Variants in IQCB1 observed in about 807,000 individuals in gnomAD.
IQCB1 encodes the protein IQ calmodulin-binding motif-containing protein 1.
Under a neutral mutation model 84.4 loss-of-function variants are expected in IQCB1, and 56 were observed. The ratio of observed to expected loss-of-function variants is 0.66; its 90% CI spans 0.54 to 0.83. The LOEUF is 0.83. Ranked by LOEUF, IQCB1 falls within the 40% of genes least tolerant of loss-of-function variation. The probability of loss-of-function intolerance (pLI) is 0.00; values close to 1 mark genes in which losing one functional copy is unlikely to be tolerated. For missense variants in IQCB1, 629 were observed against 682.1 expected (o/e 0.92, Z 0.87); for synonymous variants, 210 against 234.8 (o/e 0.89, Z 0.96).
chr3:121,815,388 A>G (rs2108611699), intron 5 of IQCB1, among the ~76,000 whole-genome samples: 1 of 152,334 alleles, frequency 6.6e-6, no homozygotes, highest in East Asian at 1.9e-4. Flanking sequence ...CCTATTCAAC[A>G]TAGTATTGGA....
At chr3:121,834,694 G>C (rs1198237086) in intron 1 of IQCB1, among the ~76,000 whole-genome samples, 1 of 152,164 alleles carries the variant, frequency 6.6e-6, no homozygotes, top group Non-Finnish European at 1.5e-5. Context: ...CCGAGATTCT[G>C]GGGCCTCTGG....
At position 121,780,063 on chromosome 3, in the gene IQCB1, G is replaced by A. The variant is rs115405808; in HGVS notation, c.1410+1680C>T. Reference sequence around the variant, plus strand: ...GATTAGTATTCTGGAGAATACTCAAGGGGTAGATTCTGTAGATATCTGGGG... The same window carrying A: ...GATTAGTATTCTGGAGAATACTCAAAGGGTAGATTCTGTAGATATCTGGGG... On this transcript the variant is annotated intron_variant, in intron 13 of 14. Transcript: ENST00000310864. Among the ~76,000 whole-genome samples, 876 of 152,290 alleles carry A rather than the reference G, an allele frequency of 5.8e-3. 10 individuals carry two copies. Among genetic ancestry groups the A allele is most frequent in the Non-Finnish European group, 8.7e-3 (595 of 68,024 alleles).
chr3:121,785,034 CTTCT>C (rs1948651831), intron 12 of IQCB1, among the ~76,000 whole-genome samples: 2 of 152,104 alleles, frequency 1.3e-5, no homozygotes, highest in Admixed American at 1.3e-4. Flanking sequence ...TTGAGACTCT[CTTCT>C]TTCTTTCTAT....
chr3:121,819,661 G>A (rs973360072), intron 5 of IQCB1, among the ~76,000 whole-genome samples: 2 of 151,954 alleles, frequency 1.3e-5, no homozygotes, highest in African/African-American at 4.8e-5. Flanking sequence ...AACTTTATTA[G>A]TCTTGTTTTA....
chr3:121,773,313 T>TAA lies in IQCB1; in HGVS notation c.1411-602_1411-601dup, dbSNP rs57716745. 7.3e-3 allele frequency among the ~76,000 whole-genome samples: 759 copies of TAA among 104,354 alleles called. 11 individuals carry two copies. Among genetic ancestry groups the TAA allele is most frequent in the South Asian group, 0.026 (76 of 2,934 alleles). 68.5% of individuals were successfully genotyped at this position (104,354 alleles called of 152,430 possible). A position where few individuals can be genotyped will look rare whatever the true frequency, so the allele number is the denominator to read the frequency against. On this transcript the variant is annotated intron_variant, in intron 13 of 14. Transcript: ENST00000310864. ...TAGGCAACAGAGCAAGACTCTGCCT[T>TAA]AAAAAAAAAAAAAAAAAAAAAAAGA...
chr3:121,788,260 C>T (rs775408602), intron 12 of IQCB1, 24 bp downstream of exon 12: 125 of 1,611,498 alleles, frequency 7.8e-5, no homozygotes, highest in Admixed American at 3.3e-4. Context: ...TGATTCAGAG[C>T]TCTTTTCACT....
Position 121,788,401 on chromosome 3 carries a change from T to G in IQCB1, c.1161A>C (p.Glu387Asp). 6.2e-7 allele frequency: 1 copy of G among 1,613,894 alleles called. No homozygotes were observed. The highest frequency in any genetic ancestry group is 8.5e-7 in the Non-Finnish European group (1 of 1,179,854). ...GQVEKHYREM[E>D]EKSALIIQKH... ...TCTGGATAATCAGTGCTGATTTCTC[T>G]TCCATTTCCCGATAGTGTTTCTCCA... Residue 387 changes from glutamate to aspartate, a missense_variant, in exon 12 of 15, where the codon GAA becomes GAC. Transcript: ENST00000310864.
chr3:121,818,777 G>A (rs999780364), intron 5 of IQCB1, among the ~76,000 whole-genome samples: 2 of 152,146 alleles, frequency 1.3e-5, no homozygotes, highest in Non-Finnish European at 2.9e-5. Context: ...AACCAGAAAG[G>A]CACCTAGAAT....
chr3:121,789,763 T>A (rs1485122526), intron 11 of IQCB1, among the ~76,000 whole-genome samples: 1 of 152,220 alleles, frequency 6.6e-6, no homozygotes, highest in Non-Finnish European at 1.5e-5. Flanking sequence ...CAACTCCTTG[T>A]TTCAGTTCAA....
At chr3:121,825,669 G>A (rs958012517) in intron 5 of IQCB1, among the ~76,000 whole-genome samples, 16 of 152,172 alleles carry the variant, frequency 1.1e-4, no homozygotes, top group African/African-American at 3.9e-4. Context: ...GAAGATATGA[G>A]AGATCAAATA....
intron 12 of IQCB1, among the ~76,000 whole-genome samples, chr3:121,785,400 A>T (rs1330190184): frequency 2.0e-5 from 3 of 152,068 alleles, no homozygotes; most frequent in Non-Finnish European, 4.4e-5. Context: ...GACTACCAGT[A>T]CATGCTACCA....
intron 9 of IQCB1, 43 bp from the exon 10 acceptor site, chr3:121,795,609 T>C: frequency 1.0e-6 from 1 of 961,568 alleles, no homozygotes; most frequent in Admixed American, 2.5e-5. Context: ...TAGGAAGGTC[T>C]TTAAAAAAAA....
chr3:121,826,650 G>T (rs1241939005), intron 4 of IQCB1, among the ~76,000 whole-genome samples: 1 of 152,124 alleles, frequency 6.6e-6, no homozygotes, highest in African/African-American at 2.4e-5. Context: ...CCTTCCAATA[G>T]ATCTACTTTT....
chr3:121,811,365 T>G (rs1395956948), intron 5 of IQCB1, among the ~76,000 whole-genome samples: 6 of 152,182 alleles, frequency 3.9e-5, no homozygotes. Context: ...CTGAGCTAGC[T>G]GCACGAGTTT....
At chr3:121,771,160 G>A (rs1024342867) in intron 14 of IQCB1, among the ~76,000 whole-genome samples, 77 of 150,462 alleles carry the variant, frequency 5.1e-4, no homozygotes, top group African/African-American at 1.7e-3. Flanking sequence ...TAGTAGAGAC[G>A]GGCGTTTCAC....
chr3:121,774,918 C>T (rs1436083187), intron 13 of IQCB1, among the ~76,000 whole-genome samples: 1 of 152,068 alleles, frequency 6.6e-6, no homozygotes, highest in African/African-American at 2.4e-5. Context: ...TATTTTACCA[C>T]CCTGAAAATA....
intron 8 of IQCB1, 37 bp downstream of exon 8, chr3:121,799,159 T>G: frequency 6.5e-7 from 1 of 1,542,694 alleles, no homozygotes; most frequent in Middle Eastern, 2.3e-4. Context: ...AATTTTCTTT[T>G]TGAGAATCCC....
chr3:121,829,002 G>T (rs1319575867), intron 2 of IQCB1, 30 bp from the exon 3 acceptor site: 1 of 1,210,260 alleles, frequency 8.3e-7, no homozygotes, highest in South Asian at 1.2e-5. Context: ...GAGAATAAAG[G>T]TCAAAAAGCC....
intron 7 of IQCB1, among the ~76,000 whole-genome samples, chr3:121,802,083 G>A (rs945853693): frequency 3.3e-5 from 5 of 151,860 alleles, no homozygotes; most frequent in African/African-American, 1.2e-4. Context: ...ATATACTGAT[G>A]AGTAGTTTTC....
Sources: gnomAD v4.1 joint callset for allele counts (sites outside exome capture counted in the v4.1 genomes callset) on GRCh38, gnomAD v4.1.1 for gene constraint, MANE v1.5 for transcripts, NCBI Gene and HGNC (gene_info 2026-07-23, HGNC 2026-07-21) for gene names.